The following CCSER2 variants were observed in gnomAD, a reference collection of about 807,000 sequenced individuals.
CCSER2 encodes the protein serine-rich coiled-coil domain-containing protein 2.
Under a neutral mutation model 92.3 loss-of-function variants are expected in CCSER2, and 46 were observed. The ratio of observed to expected loss-of-function variants is 0.50; its 90% CI spans 0.39 to 0.64. The LOEUF is 0.64. Among genes scored for constraint, CCSER2 ranks in the 30% least tolerant of loss-of-function variants. The pLI is 0.00. For synonymous variants in CCSER2, 433 were observed against 431.4 expected (o/e 1.00, Z -0.04); for missense variants, 1,244 against 1,238.9 (o/e 1.00, Z -0.06).
chr10:84,441,734 ATGTTTTTTTTTTTTTTTTTT>A (rs1844559134), intron 6 of CCSER2, among the ~76,000 whole-genome samples: 4 of 106,450 alleles, frequency 3.8e-5, no homozygotes, highest in East Asian at 5.3e-4. Flanking sequence ...GACTGGGAAA[ATGTTTTTTTTTTTTTTTTTT>A]TTTTTTTTTT....
chr10:84,437,156 G>C (rs61866483), intron 5 of CCSER2, among the ~76,000 whole-genome samples: 27,311 of 138,332 alleles, frequency 0.2, 2,916 homozygotes, highest in Admixed American at 0.35. Flanking sequence ...CACACAGAGA[G>C]AGAGAGAGAG....
At chr10:84,467,442 C>G (rs1196437510) in intron 7 of CCSER2, among the ~76,000 whole-genome samples, 3 of 149,480 alleles carry the variant, frequency 2.0e-5, no homozygotes, top group African/African-American at 5.1e-5. Context: ...CACAGACTCT[C>G]TCTCTCTCAC....
intron 1 of CCSER2, among the ~76,000 whole-genome samples, chr10:84,347,383 C>T (rs537744551): frequency 4.7e-4 from 71 of 150,440 alleles, no homozygotes; most frequent in South Asian, 1.3e-3. Context: ...ACCTCCCGGA[C>T]GGGGCGGCTG....
At chr10:84,363,859 C>T (rs1354836247) in intron 1 of CCSER2, among the ~76,000 whole-genome samples, 1 of 152,134 alleles carries the variant, frequency 6.6e-6, no homozygotes, top group Non-Finnish European at 1.5e-5. Context: ...CTCCTTAGGC[C>T]ATTGTTGTTC....
intron 9 of CCSER2, among the ~76,000 whole-genome samples, chr10:84,478,451 G>A (rs888456243): frequency 6.6e-6 from 1 of 152,148 alleles, no homozygotes; most frequent in African/African-American, 2.4e-5. Context: ...TAACACAAAG[G>A]AACAGAGAAA....
At chr10:84,363,296 T>A (rs1267971860) in intron 1 of CCSER2, among the ~76,000 whole-genome samples, 2 of 152,082 alleles carry the variant, frequency 1.3e-5, no homozygotes, top group East Asian at 3.9e-4. Flanking sequence ...GCCTGGCCAC[T>A]TATTTAATTG....
At chr10:84,507,858 T>A (rs574845529) in intron 9 of CCSER2, among the ~76,000 whole-genome samples, 29 of 152,328 alleles carry the variant, frequency 1.9e-4, no homozygotes, top group African/African-American at 7.0e-4. Flanking sequence ...CCAGAAATAC[T>A]GCTCCACACT....
chr10:84,485,932 C>T (rs1847781076), intron 9 of CCSER2, among the ~76,000 whole-genome samples: 1 of 152,142 alleles, frequency 6.6e-6, no homozygotes, highest in African/African-American at 2.4e-5. Flanking sequence ...TGTGATGTTC[C>T]CCTTCCTGTG....
At chr10:84,513,310 A>AT in intron 9 of CCSER2, 139 bp from the exon 10 acceptor site, 1 of 680,508 alleles carries the variant, frequency 1.5e-6, no homozygotes, top group Non-Finnish European at 2.4e-6. Context: ...ATTGCAGTTC[A>AT]TTTTTTAATT....
intron 1 of CCSER2, among the ~76,000 whole-genome samples, chr10:84,333,401 T>G (rs1268690092): frequency 1.3e-5 from 2 of 152,190 alleles, no homozygotes; most frequent in Non-Finnish European, 2.9e-5. Flanking sequence ...ATCCTCATTT[T>G]GTGGATATGA....
chr10:84,328,720 C>T lies in CCSER2; in HGVS notation c.-128C>T, dbSNP rs1201919179. 6.6e-6 allele frequency: 1 copy of T among 151,250 alleles called. No individual in the cohort carries two copies. The highest frequency in any genetic ancestry group is 2.4e-5 in the African/African-American group (1 of 41,338). The allele number at this position is 151,250 out of a possible 1,614,324, so 9.4% of individuals were successfully genotyped here. On this transcript the variant is annotated 5_prime_UTR_variant, in exon 1 of 10. Transcript: ENST00000372088. The stretch of plus-strand genomic sequence containing the variant: ...GCTGGCGGGGATGTGACGGGCGGCC[C>T]TTCGTCTCACCTTCCGTCCTCGGGC...
At chr10:84,473,453 T>A (rs949253010) in intron 8 of CCSER2, among the ~76,000 whole-genome samples, 5 of 152,242 alleles carry the variant, frequency 3.3e-5, no homozygotes, top group Non-Finnish European at 7.3e-5. Flanking sequence ...TAGAAAAGAT[T>A]CACTGCTTCT....
intron 1 of CCSER2, among the ~76,000 whole-genome samples, chr10:84,338,726 C>T (rs1351054240): frequency 6.6e-6 from 1 of 152,204 alleles, no homozygotes; most frequent in African/African-American, 2.4e-5. Flanking sequence ...GAAATTTTGA[C>T]AGCTACTCTT....
chr10:84,352,881 T>G (rs1460627472), intron 1 of CCSER2, among the ~76,000 whole-genome samples: 1 of 152,008 alleles, frequency 6.6e-6, no homozygotes, highest in East Asian at 1.9e-4. Context: ...ACCTCCGCCT[T>G]TTAGGTTCAA....
At position 84,451,275 on chromosome 10, in the gene CCSER2, T is replaced by G. The variant is rs545938738; in HGVS notation, c.2064+12568T>G. Among the ~76,000 whole-genome samples, 22 of 144,770 alleles carry G rather than the reference T, an allele frequency of 1.5e-4. No homozygotes were observed. The South Asian group carries it at 2.4e-3, about 16-fold the overall frequency. The allele number at this position is 144,770 out of a possible 152,430, so 95.0% of individuals were successfully genotyped here. The stretch of plus-strand genomic sequence containing the variant: ...TTGGGTTTTTTTTTTTTGTTTTTTG[T>G]TTTTTTTTTTAAAGAACAGGGTCTT... On this transcript the variant is annotated intron_variant, in intron 6 of 9. Transcript: ENST00000372088.
chr10:84,427,942 C>T (rs1843528199), intron 5 of CCSER2, among the ~76,000 whole-genome samples: 2 of 152,182 alleles, frequency 1.3e-5, no homozygotes, highest in Admixed American at 1.3e-4. Context: ...CTCATTGTCA[C>T]TTCTAAAGGA....
At chr10:84,338,063 C>G (rs1843939449) in intron 1 of CCSER2, among the ~76,000 whole-genome samples, 1 of 152,020 alleles carries the variant, frequency 6.6e-6, no homozygotes, top group South Asian at 2.1e-4. Flanking sequence ...GTTGGATCAC[C>G]TGAGGTCAGG....
At chr10:84,440,652 C>T (rs1470265081) in intron 6 of CCSER2, among the ~76,000 whole-genome samples, 1 of 152,142 alleles carries the variant, frequency 6.6e-6, no homozygotes, top group Admixed American at 6.6e-5. Flanking sequence ...AGCATGTCTT[C>T]TTTCTTCCTA....
chr10:84,460,297 T>A (rs1479306563), intron 6 of CCSER2, among the ~76,000 whole-genome samples: 5 of 143,600 alleles, frequency 3.5e-5, no homozygotes, highest in African/African-American at 1.3e-4. Context: ...AGAAATGGGG[T>A]TTCGCCATGT....
Sources: gnomAD v4.1 joint callset for allele counts (sites outside exome capture counted in the v4.1 genomes callset) on GRCh38, gnomAD v4.1.1 for gene constraint, MANE v1.5 for transcripts, NCBI Gene and HGNC (gene_info 2026-07-23, HGNC 2026-07-21) for gene names.